Variants in ENTREP2 observed in about 807,000 individuals in gnomAD.
ENTREP2 encodes endosomal transmembrane epsin interactor 2, also known as protein ENTREP2.
At chr15:29,507,024 A>G in the ENTREP2 span, among the ~76,000 whole-genome samples, 2 of 152,176 alleles carry the variant, frequency 1.3e-5, no homozygotes, top group African/African-American at 4.8e-5. Flanking sequence ...CTCACATGCA[A>G]AGACACACTA....
the ENTREP2 span, among the ~76,000 whole-genome samples, chr15:29,589,648 A>G: frequency 1.3e-5 from 2 of 152,310 alleles, no homozygotes; most frequent in South Asian, 2.1e-4. Context: ...AGATGCTAAC[A>G]TAGACTGCCT....
the ENTREP2 span, among the ~76,000 whole-genome samples, chr15:29,440,668 C>A: frequency 1.3e-5 from 2 of 152,198 alleles, no homozygotes; most frequent in Non-Finnish European, 2.9e-5. Flanking sequence ...CTGCCTCTCA[C>A]CACAGGGTCG....
chr15:29,670,407 TG>T, the ENTREP2 span, among the ~76,000 whole-genome samples: 13,320 of 152,000 alleles, frequency 0.088, 916 homozygotes, highest in African/African-American at 0.19. Flanking sequence ...CCCTGAAGGG[TG>T]GGGAAGCTTG....
chr15:29,582,801 G>A, the ENTREP2 span, among the ~76,000 whole-genome samples: 21 of 152,084 alleles, frequency 1.4e-4, no homozygotes, highest in Admixed American at 5.2e-4. Context: ...ACAGGCAGGC[G>A]CCACCACGCC....
chr15:29,449,326 T>C, the ENTREP2 span, among the ~76,000 whole-genome samples: 1 of 152,150 alleles, frequency 6.6e-6, no homozygotes, highest in Admixed American at 6.5e-5. Context: ...AACGATGTGT[T>C]TGAGCTGAGG....
chr15:29,613,150 G>A, the ENTREP2 span: 1 of 155,714 alleles, frequency 6.4e-6, no homozygotes, highest in Non-Finnish European at 1.4e-5. Context: ...ACAGCCTTAT[G>A]CCCAGCACAG....
the ENTREP2 span, among the ~76,000 whole-genome samples, chr15:29,404,993 C>T: frequency 6.6e-6 from 1 of 152,148 alleles, no homozygotes; most frequent in African/African-American, 2.4e-5. Flanking sequence ...TACCTGGCTG[C>T]CACCTGGCAG....
the ENTREP2 span, among the ~76,000 whole-genome samples, chr15:29,387,257 CAT>C: frequency 5.9e-5 from 9 of 152,156 alleles, no homozygotes; most frequent in Non-Finnish European, 8.8e-5. Context: ...TTGAGATAAT[CAT>C]GTGGTTTTTG....
chr15:29,496,408 T>A, the ENTREP2 span, among the ~76,000 whole-genome samples: 1 of 151,738 alleles, frequency 6.6e-6, no homozygotes, highest in Non-Finnish European at 1.5e-5. Flanking sequence ...AATAAAATAA[T>A]AAAATTATTT....
the ENTREP2 span, among the ~76,000 whole-genome samples, chr15:29,611,416 T>C: frequency 2.0e-5 from 3 of 152,100 alleles, no homozygotes; most frequent in South Asian, 6.2e-4. Flanking sequence ...ACTTTGTAAA[T>C]GTAATTTTTT....
At chr15:29,468,430 G>A in the ENTREP2 span, among the ~76,000 whole-genome samples, 42 of 152,200 alleles carry the variant, frequency 2.8e-4, no homozygotes, top group Middle Eastern at 3.4e-3. Flanking sequence ...GGCGAACATA[G>A]TGAAACCTCG....
the ENTREP2 span, chr15:29,151,826 C>G: frequency 1.9e-6 from 3 of 1,551,348 alleles, no homozygotes; most frequent in Admixed American, 2.0e-5. Flanking sequence ...AGGGCACACA[C>G]GCTGAAGAGG....
chr15:29,549,890 C>A, the ENTREP2 span, among the ~76,000 whole-genome samples: 1 of 152,150 alleles, frequency 6.6e-6, no homozygotes, highest in South Asian at 2.1e-4. Flanking sequence ...TGTGTCAAGA[C>A]AGTGAGATTC....
the ENTREP2 span, among the ~76,000 whole-genome samples, chr15:29,553,753 T>C: frequency 3.3e-5 from 5 of 152,308 alleles, no homozygotes; most frequent in South Asian, 1.0e-3. Context: ...AGTATACACG[T>C]GGCTGAGGCC....
At chr15:29,460,670 C>A in the ENTREP2 span, among the ~76,000 whole-genome samples, 2 of 152,062 alleles carry the variant, frequency 1.3e-5, no homozygotes, top group Non-Finnish European at 2.9e-5. Context: ...AAACACAATT[C>A]TTAAATCATC....
At chr15:29,324,575 G>A in the ENTREP2 span, among the ~76,000 whole-genome samples, 1 of 152,168 alleles carries the variant, frequency 6.6e-6, no homozygotes, top group East Asian at 1.9e-4. Flanking sequence ...AAGTTATAGT[G>A]TGCTATGCTA....
chr15:29,588,544 A>AAGAG, the ENTREP2 span, among the ~76,000 whole-genome samples: 58 of 19,806 alleles, frequency 2.9e-3, no homozygotes, highest in African/African-American at 6.1e-3. Flanking sequence ...AAGAGAAAGA[A>AAGAG]AGAGAGAGAG....
chr15:29,482,164 A>ATTTTTT, the ENTREP2 span, among the ~76,000 whole-genome samples: 10 of 135,260 alleles, frequency 7.4e-5, no homozygotes, highest in African/African-American at 1.4e-4. Context: ...CAGGCAGCTA[A>ATTTTTT]TTTTTTTTTT....
At chr15:29,423,555 AGGCG>A in the ENTREP2 span, among the ~76,000 whole-genome samples, 8 of 151,926 alleles carry the variant, frequency 5.3e-5, no homozygotes, top group South Asian at 1.2e-3. Flanking sequence ...CAGGAGGCCA[AGGCG>A]GGCGGATCAC....
Sources: gnomAD v4.1 joint callset for allele counts (sites outside exome capture counted in the v4.1 genomes callset) on GRCh38, gnomAD v4.1.1 for gene constraint, MANE v1.5 for transcripts, NCBI Gene and HGNC (gene_info 2026-07-23, HGNC 2026-07-21) for gene names.